Variants in PDPR observed in about 807,000 individuals in gnomAD.
PDPR encodes pyruvate dehydrogenase phosphatase regulatory subunit, mitochondrial.
A neutral mutation model predicts 102.2 loss-of-function variants in PDPR; 50 were observed. The observed-to-expected ratio is 0.49, with a 90% CI of 0.39 to 0.62. The LOEUF (loss-of-function observed/expected upper bound fraction) is 0.62. Among genes scored for constraint, PDPR ranks in the 20% least tolerant of loss-of-function variants. The pLI is 0.00. For missense variants in PDPR, 625 were observed against 1,098.2 expected, an observed-to-expected ratio of 0.57 and a Z score of 6.09; for synonymous variants, 259 against 406.0, an observed-to-expected ratio of 0.64 and a Z score of 4.35.
At chr16:70,127,433 G>C in intron 4 of PDPR, 40 bp downstream of exon 4, 1 of 1,596,024 alleles carries the variant, frequency 6.3e-7, no homozygotes, top group Non-Finnish European at 8.5e-7. Flanking sequence ...GCCTGTCCCT[G>C]AGATTGTTAT....
chr16:70,126,056 TTATTA>T (rs1278892271), intron 3 of PDPR, among the ~76,000 whole-genome samples: 1 of 152,292 alleles, frequency 6.6e-6, no homozygotes, highest in Non-Finnish European at 1.5e-5. Flanking sequence ...GGATATTCAT[TTATTA>T]TATTTTTTCT....
Position 70,161,276 on chromosome 16 carries a change from T to C in PDPR, c.*4397T>C, listed in dbSNP as rs1327270631. 2 of 134,858 alleles carry C rather than the reference T, an allele frequency of 1.5e-5. No individual in the cohort carries two copies. Among genetic ancestry groups the C allele is most frequent in the African/African-American group, 3.1e-5 (1 of 31,882 alleles). The allele number at this position is 134,858 out of a possible 1,614,324, so 8.4% of individuals were successfully genotyped here. ...AGCCTGGGTAACAGAGTGAGACTCTTGTCTCAAAAAAAAAAAAAAAAAAAT... is the reference window on the plus strand; with the variant it reads ...AGCCTGGGTAACAGAGTGAGACTCTCGTCTCAAAAAAAAAAAAAAAAAAAT... On this transcript the variant is annotated 3_prime_UTR_variant, in exon 19 of 19. Transcript: ENST00000288050.
chr16:70,150,351 A>G (rs575591441), intron 17 of PDPR, among the ~76,000 whole-genome samples: 24 of 137,526 alleles, frequency 1.7e-4, no homozygotes, highest in Non-Finnish European at 3.1e-4. Context: ...TGATCCACCC[A>G]CCTCGGCCTC....
chr16:70,139,234 A>C (rs1965473832), intron 11 of PDPR, among the ~76,000 whole-genome samples: 1 of 152,258 alleles, frequency 6.6e-6, no homozygotes, highest in Non-Finnish European at 1.5e-5. Context: ...ACCTTGTTTC[A>C]TTCTGAGAAC....
At chr16:70,122,439 T>A (rs1403287349) in intron 3 of PDPR, among the ~76,000 whole-genome samples, 2 of 152,294 alleles carry the variant, frequency 1.3e-5, no homozygotes, top group Non-Finnish European at 2.9e-5. Context: ...GGTCATACAT[T>A]TTTGGCAGTA....
At position 70,153,420 on chromosome 16, in the gene PDPR, G is replaced by A; in HGVS notation, c.2082G>A (p.Met694Ile). The change falls in exon 18 of 19, where the codon ATG becomes ATA. Residue 694 changes from methionine to isoleucine, a missense_variant. Transcript: ENST00000288050. Reference protein sequence around the residue: ...EYALHVYNEVMSVGQKYGIRN... With the variant: ...EYALHVYNEVISVGQKYGIRN... ...CCCTGCATGTATACAATGAAGTGAT[G>A]AGTGTTGGCCAGAAATACGGAATCC... 1 of 1,613,886 alleles carries A rather than the reference G, an allele frequency of 6.2e-7. No individual in the cohort carries two copies.
intron 3 of PDPR, among the ~76,000 whole-genome samples, chr16:70,126,642 C>T (rs1375317906): frequency 2.0e-5 from 3 of 152,382 alleles, no homozygotes; most frequent in Non-Finnish European, 2.9e-5. Context: ...GGATTACAGG[C>T]GTGAGCCACC....
At chr16:70,141,580 C>A (rs1286429885) in intron 11 of PDPR, among the ~76,000 whole-genome samples, 1 of 152,288 alleles carries the variant, frequency 6.6e-6, no homozygotes, top group Non-Finnish European at 1.5e-5. Context: ...CCACCTGTGT[C>A]CCACTTAGTA....
At position 70,121,151 on chromosome 16, in the gene PDPR, T is replaced by C. The variant is rs367613871; in HGVS notation, c.227+432T>C. ...TAATGTGGATTGCATTTAAGCAAAG[T>C]AGACAACTGCTTGTGTTTGCTTAAT... On this transcript the variant is annotated intron_variant, in intron 3 of 18. Transcript: ENST00000288050. 1.2e-3 allele frequency among the ~76,000 whole-genome samples: 161 copies of C among 135,390 alleles called. 1 individual carries two copies. The highest frequency in any genetic ancestry group is 2.3e-3 in the East Asian group (11 of 4,758). 88.8% of individuals were successfully genotyped at this position (135,390 alleles called of 152,430 possible). A position where few individuals can be genotyped will look rare whatever the true frequency, so the allele number is the denominator to read the frequency against.
intron 16 of PDPR, chr16:70,147,517 C>T (rs1415393690): frequency 1.5e-5 from 6 of 413,468 alleles, no homozygotes; most frequent in South Asian, 8.7e-5. Flanking sequence ...TCTGAACTTC[C>T]TACATAATTT....
chr16:70,129,393 G>A lies in PDPR; in HGVS notation c.607+271G>A, dbSNP rs568740768. Among the ~76,000 whole-genome samples, 8 of 152,390 alleles carry A rather than the reference G, an allele frequency of 5.2e-5. No individual in the cohort carries two copies. The South Asian group carries it at 1.7e-3, about 32-fold the overall frequency. Reference sequence around the variant, plus strand: ...GAGCTTCACTCTTTTCGCCCAGGCTGGAGTGCAATGGCACAATCTTGGCTC... The same window carrying A: ...GAGCTTCACTCTTTTCGCCCAGGCTAGAGTGCAATGGCACAATCTTGGCTC... On this transcript the variant is annotated intron_variant, in intron 6 of 18. Coordinates refer to ENST00000288050, the MANE Select transcript of PDPR (RefSeq NM_017990.5).
chr16:70,161,281 C>CAACAA lies in PDPR; in HGVS notation c.*4404_*4405insCAAAA, dbSNP rs1967762612. ...GGGTAACAGAGTGAGACTCTTGTCT[C>CAACAA]AAAAAAAAAAAAAAAAAAATCTAAG... On this transcript the variant is annotated 3_prime_UTR_variant, in exon 19 of 19. Coordinates refer to ENST00000288050, the MANE Select transcript of PDPR (RefSeq NM_017990.5). 7.6e-6 allele frequency: 1 copy of CAACAA among 130,782 alleles called. No individual in the cohort carries two copies. The highest frequency in any genetic ancestry group is 2.9e-5 in the African/African-American group (1 of 34,502). 8.1% of individuals were successfully genotyped at this position (130,782 alleles called of 1,614,324 possible).
intron 17 of PDPR, among the ~76,000 whole-genome samples, chr16:70,150,600 G>A (rs1433106457): frequency 2.1e-5 from 3 of 141,402 alleles, no homozygotes; most frequent in East Asian, 4.1e-4. Context: ...CTTGACCTCC[G>A]AGGCTGAAGT....
At position 70,158,931 on chromosome 16, in the gene PDPR, T is replaced by C. The variant is rs1967507088; in HGVS notation, c.*2052T>C. On this transcript the variant is annotated 3_prime_UTR_variant, in exon 19 of 19. Transcript: ENST00000288050. ...GTATTTGTAATTGAATCCAGAAGAATTTAGTTACACATAGACATAACTCTT... is the reference window on the plus strand; with the variant it reads ...GTATTTGTAATTGAATCCAGAAGAACTTAGTTACACATAGACATAACTCTT... The C allele has an allele frequency of 1.3e-5, 2 of 152,380 alleles. No homozygotes were observed. The highest frequency in any genetic ancestry group is 1.3e-4 in the Admixed American group (2 of 15,292). 9.4% of individuals were successfully genotyped at this position (152,380 alleles called of 1,614,324 possible). A position where few individuals can be genotyped will look rare whatever the true frequency, so the allele number is the denominator to read the frequency against.
At chr16:70,125,335 C>T (rs1385240332) in intron 3 of PDPR, among the ~76,000 whole-genome samples, 1 of 152,140 alleles carries the variant, frequency 6.6e-6, no homozygotes, top group Non-Finnish European at 1.5e-5. Context: ...GAGATTGTGC[C>T]ATTGCACTCC....
chr16:70,138,237 A>ATTTTTTTTTTTTT (rs1965363188), intron 10 of PDPR, among the ~76,000 whole-genome samples: 1 of 35,858 alleles, frequency 2.8e-5, no homozygotes. Context: ...TTTTTTTTTG[A>ATTTTTTTTTTTTT]GTTGGGGTTT....
chr16:70,149,620 G>A (rs1415145854), intron 17 of PDPR, among the ~76,000 whole-genome samples: 2 of 152,254 alleles, frequency 1.3e-5, no homozygotes, highest in African/African-American at 2.4e-5. Flanking sequence ...AAGCAAAAGA[G>A]CTTCCTTGTT....
chr16:70,157,090 C>A lies in PDPR; in HGVS notation c.*211C>A. 1.3e-6 allele frequency: 1 copy of A among 752,438 alleles called. No homozygotes were observed. The allele number at this position is 752,438 out of a possible 1,614,324, so 46.6% of individuals were successfully genotyped here. ...CCACCTCCTCCTCCTAATATTCACTCTGGGCTCTTCTTCCCTTCCCACCCC... is the reference window on the plus strand; with the variant it reads ...CCACCTCCTCCTCCTAATATTCACTATGGGCTCTTCTTCCCTTCCCACCCC... On this transcript the variant is annotated 3_prime_UTR_variant, in exon 19 of 19. Transcript: ENST00000288050.
rs1158834798 is a variant in PDPR at position 70,156,825 on chromosome 16, C to T, written c.2586C>T (p.Phe862=). ...AGCTCTACCCTGTCGCCTCCCTCTT[C>T]ACCCAGAAGCGCCGAAAGGATGACA... ...KAKLYPVASL[F]TQKRRKDDME... The change falls in exon 19 of 19, where the codon TTC becomes TTT. Residue 862 remains phenylalanine, a synonymous_variant. Coordinates refer to ENST00000288050, the MANE Select transcript of PDPR (RefSeq NM_017990.5). The T allele has an allele frequency of 4.3e-6, 7 of 1,613,936 alleles. No homozygotes were observed. In the African/African-American group the frequency reaches 6.7e-5, roughly 15 times the overall value.
Sources: gnomAD v4.1 joint callset for allele counts (sites outside exome capture counted in the v4.1 genomes callset) on GRCh38, gnomAD v4.1.1 for gene constraint, MANE v1.5 for transcripts, NCBI Gene and HGNC (gene_info 2026-07-23, HGNC 2026-07-21) for gene names.